Variants in NOSTRIN observed in about 807,000 individuals in gnomAD.
NOSTRIN encodes the protein nitric oxide synthase trafficking.
NOSTRIN carries 63 observed loss-of-function variants against 59.0 expected under a neutral mutation model. The observed-to-expected ratio is 1.07, with a 90% confidence interval of 0.87 to 1.32. NOSTRIN has a LOEUF of 1.32. NOSTRIN is among the 40% of genes most tolerant of loss of function. NOSTRIN has a pLI of 0.00. For missense variants in NOSTRIN, 512 were observed against 473.1 expected, an observed-to-expected ratio of 1.08 and a Z score of -0.76; for synonymous variants, 200 against 165.4, an observed-to-expected ratio of 1.21 and a Z score of -1.61.
chr2:168,806,580 T>G (rs955639665), intron 1 of NOSTRIN, among the ~76,000 whole-genome samples: 1 of 152,136 alleles, frequency 6.6e-6, no homozygotes, highest in Admixed American at 6.5e-5. Flanking sequence ...GAGAAGGGGT[T>G]ATTATTTTTT....
chr2:168,865,302 T>G lies in NOSTRIN; in HGVS notation c.*332T>G, dbSNP rs898627652. On this transcript the variant is annotated 3_prime_UTR_variant, in exon 16 of 16. Transcript: ENST00000317647. ...AGCTGCTTGCCTGAAGTCAGAGTTA[T>G]CTGGTAGACAACAGCAGTGGGACTT... 4.7e-6 allele frequency: 1 copy of G among 212,800 alleles called. No homozygotes were observed. The highest frequency in any genetic ancestry group is 9.4e-6 in the Non-Finnish European group (1 of 106,218). 13.2% of individuals were successfully genotyped at this position (212,800 alleles called of 1,614,324 possible). A position where few individuals can be genotyped will look rare whatever the true frequency, so the allele number is the denominator to read the frequency against.
upstream of NOSTRIN, among the ~76,000 whole-genome samples, chr2:168,797,092 T>TTC (rs1447647243): frequency 7.7e-6 from 1 of 129,130 alleles, no homozygotes; most frequent in Non-Finnish European, 1.6e-5. Flanking sequence ...TTTTTTTTTT[T>TTC]TTTTTTTTTG....
At chr2:168,791,158 A>G (rs1685341188) in intron 2 of NOSTRIN, among the ~76,000 whole-genome samples, 2 of 151,934 alleles carry the variant, frequency 1.3e-5, no homozygotes, top group South Asian at 2.1e-4. Context: ...CCACCCCACA[A>G]CAGTCCCCAG....
chr2:168,825,940 T>C (rs573240584), intron 3 of NOSTRIN, among the ~76,000 whole-genome samples: 6 of 152,214 alleles, frequency 3.9e-5, no homozygotes, highest in Non-Finnish European at 8.8e-5. Context: ...TAGGACAGTA[T>C]TTTAGTAGAC....
chr2:168,789,966 C>T (rs1009254820), intron 2 of NOSTRIN, among the ~76,000 whole-genome samples: 2 of 152,188 alleles, frequency 1.3e-5, no homozygotes, highest in African/African-American at 4.8e-5. Flanking sequence ...ATGATGCTTT[C>T]TTAATGCCGC....
intron 7 of NOSTRIN, among the ~76,000 whole-genome samples, chr2:168,842,458 A>C (rs757118471): frequency 6.6e-6 from 1 of 152,216 alleles, no homozygotes; most frequent in Non-Finnish European, 1.5e-5. Context: ...TTATCCTGGA[A>C]GTTTGATTCC....
At chr2:168,821,256 G>A (rs1335979552) in intron 2 of NOSTRIN, among the ~76,000 whole-genome samples, 1 of 152,224 alleles carries the variant, frequency 6.6e-6, no homozygotes, top group Admixed American at 6.5e-5. Flanking sequence ...ATGTGTCTAG[G>A]TATTTCAAGT....
chr2:168,856,083 C>T (rs1689084787), intron 11 of NOSTRIN: 2 of 226,828 alleles, frequency 8.8e-6, no homozygotes, highest in Middle Eastern at 5.2e-4. Context: ...AAGAAGCCAA[C>T]GTTGGGTAAC....
rs1485885956 is a variant in NOSTRIN, at chr2:168,856,727, C to T, written c.1002C>T (p.Ser334=). ...TGCTTAAAACGTACTCCAGCACCTC[C>T]TCCTTCTCTGATGCAAAGAGCCAGA... is the stretch of plus-strand genomic sequence containing the variant. ...ERMLKTYSST[S]SFSDAKSQKD... is the part of the protein sequence containing the mutation. Residue 334 remains serine, a synonymous_variant, in exon 12 of 16, where the codon TCC becomes TCT. Transcript: ENST00000317647. The T allele has an allele frequency of 6.2e-7, 1 of 1,614,172 alleles. No individual in the cohort carries two copies.
At chr2:168,839,223 A>C (rs1008948291) in intron 7 of NOSTRIN, among the ~76,000 whole-genome samples, 1 of 152,166 alleles carries the variant, frequency 6.6e-6, no homozygotes, top group Non-Finnish European at 1.5e-5. Flanking sequence ...GTATCCTGCC[A>C]TACTATTTTG....
At chr2:168,794,614 G>T (rs1274512889), upstream of NOSTRIN, among the ~76,000 whole-genome samples, 1 of 152,134 alleles carries the variant, frequency 6.6e-6, no homozygotes, top group Non-Finnish European at 1.5e-5. Flanking sequence ...GCCTCCCAAA[G>T]TGCTAGGCTT....
At chr2:168,845,043 A>C (rs1162061467) in intron 8 of NOSTRIN, among the ~76,000 whole-genome samples, 1 of 151,584 alleles carries the variant, frequency 6.6e-6, no homozygotes, top group Non-Finnish European at 1.5e-5. Context: ...AGAAAGGGGA[A>C]ATTAAAGGAG....
chr2:168,815,930 C>T (rs1686372549), intron 2 of NOSTRIN, among the ~76,000 whole-genome samples: 1 of 152,228 alleles, frequency 6.6e-6, no homozygotes, highest in African/African-American at 2.4e-5. Context: ...CATCTGTATC[C>T]ATGATTCTGT....
chr2:168,807,948 A>C (rs17265949), intron 1 of NOSTRIN, among the ~76,000 whole-genome samples: 11,579 of 152,222 alleles, frequency 0.076, 525 homozygotes, highest in Non-Finnish European at 0.11. Context: ...GCAGCCCCTT[A>C]CTTTAAGAGG....
intron 2 of NOSTRIN, among the ~76,000 whole-genome samples, chr2:168,816,852 T>C (rs1000478804): frequency 3.9e-5 from 6 of 152,200 alleles, no homozygotes; most frequent in Non-Finnish European, 7.3e-5. Flanking sequence ...ACTGAGTAAA[T>C]GAAGGCACTC....
In NOSTRIN at chr2:168,789,150, A is replaced by G. The variant is rs183640232; in HGVS notation, c.-473+1102A>G. On this transcript the variant is annotated intron_variant, in intron 2 of 20. Coordinates refer to the NOSTRIN transcript ENST00000458381. ...GTGTGGAACATCTTTTTGGGCCAGA[A>G]AGCAAAGTAGTACTTAAAGAATGAT... 5.9e-5 allele frequency among the ~76,000 whole-genome samples: 9 copies of G among 152,346 alleles called. No homozygotes were observed. In the East Asian group the frequency reaches 1.5e-3, roughly 26 times the overall value.
rs1276934608 is a variant in NOSTRIN at position 168,828,210 on chromosome 2, G to T, written c.250G>T (p.Asp84Tyr). The change falls in exon 4 of 16, where the codon GAC becomes TAC. Residue 84 changes from aspartate to tyrosine, a missense_variant. Coordinates refer to ENST00000317647, the MANE Select transcript of NOSTRIN (RefSeq NM_001039724.4). ...CTCAGAGGGAATGAAATCCACAGCG[G>T]ACCTGCATCAGTGAGTTCTCCCACC... ...WASEGMKSTADLHQKLGKAIE... is the reference protein window; with the variant it reads ...WASEGMKSTAYLHQKLGKAIE... The T allele has an allele frequency of 1.1e-6, 1 of 872,828 alleles. No homozygotes were observed. The highest frequency in any genetic ancestry group is 2.0e-6 in the Non-Finnish European group (1 of 501,672). 54.1% of individuals were successfully genotyped at this position (872,828 alleles called of 1,614,324 possible).
intron 1 of NOSTRIN, chr2:168,787,032 A>G (rs975444996): frequency 6.6e-6 from 1 of 152,108 alleles, no homozygotes; most frequent in Non-Finnish European, 1.5e-5. Flanking sequence ...CCCGGCCCCA[A>G]ATTCTTTCTT....
chr2:168,803,533 G>C (rs1685699572), intron 1 of NOSTRIN, among the ~76,000 whole-genome samples: 1 of 152,116 alleles, frequency 6.6e-6, no homozygotes, highest in Non-Finnish European at 1.5e-5. Flanking sequence ...ATCAGCAGAG[G>C]ATTATTGATT....
Sources: gnomAD v4.1 joint callset for allele counts (sites outside exome capture counted in the v4.1 genomes callset) on GRCh38, gnomAD v4.1.1 for gene constraint, MANE v1.5 for transcripts, NCBI Gene and HGNC (gene_info 2026-07-23, HGNC 2026-07-21) for gene names.